The following HTR1F variants were observed in gnomAD, a reference collection of about 807,000 sequenced individuals.
The protein encoded by HTR1F is 5-hydroxytryptamine receptor 1F.
In HTR1F, 17 loss-of-function variants were observed where a neutral mutation model predicts 24.0. The ratio of observed to expected loss-of-function variants is 0.71; its 90% CI spans 0.48 to 1.06. HTR1F has a LOEUF of 1.06. Ranked by LOEUF, HTR1F falls within the 50% of genes least tolerant of loss-of-function variation. The pLI is 0.00. For missense variants in HTR1F, 391 were observed against 427.8 expected (o/e 0.91, Z 0.76); for synonymous variants, 186 against 156.8 (o/e 1.19, Z -1.39).
At chr3:87,975,664 TTTTA>T (rs35752658) in intron 2 of HTR1F, among the ~76,000 whole-genome samples, 73,682 of 151,674 alleles carry the variant, frequency 0.49, 20,983 homozygotes, top group South Asian at 0.71. Context: ...ATCATGGACT[TTTTA>T]AACTTTAGAT....
At chr3:87,795,802 C>A (rs1703894996) in intron 1 of HTR1F, among the ~76,000 whole-genome samples, 1 of 152,042 alleles carries the variant, frequency 6.6e-6, no homozygotes, top group South Asian at 2.1e-4. Context: ...ATGATCCTTC[C>A]ATTTGAAAAT....
intron 2 of HTR1F, among the ~76,000 whole-genome samples, chr3:87,951,853 A>G (rs1380767110): frequency 1.3e-5 from 2 of 152,044 alleles, no homozygotes; most frequent in African/African-American, 4.8e-5. Context: ...TTTCCTGGCA[A>G]TCAGTGATCT....
intron 2 of HTR1F, among the ~76,000 whole-genome samples, chr3:87,884,882 C>T (rs923110116): frequency 6.6e-6 from 1 of 152,038 alleles, no homozygotes; most frequent in Non-Finnish European, 1.5e-5. Context: ...ACTTATACTC[C>T]CACACAATAA....
At chr3:87,918,663 C>A (rs1212513854) in intron 2 of HTR1F, among the ~76,000 whole-genome samples, 3 of 151,904 alleles carry the variant, frequency 2.0e-5, no homozygotes, top group Non-Finnish European at 4.4e-5. Context: ...ATGTACCTAA[C>A]CAAGGAGTCT....
At chr3:87,907,272 T>C (rs1433494077) in intron 2 of HTR1F, among the ~76,000 whole-genome samples, 3 of 152,016 alleles carry the variant, frequency 2.0e-5, no homozygotes, top group Non-Finnish European at 4.4e-5. Context: ...TGTATTTCCC[T>C]GATAATTAGT....
intron 2 of HTR1F, among the ~76,000 whole-genome samples, chr3:87,930,500 T>C (rs1377025364): frequency 6.6e-6 from 1 of 152,206 alleles, no homozygotes; most frequent in Non-Finnish European, 1.5e-5. Flanking sequence ...TGAAACGATG[T>C]TGAATTTTAT....
intron 2 of HTR1F, among the ~76,000 whole-genome samples, chr3:87,978,397 G>A (rs575885788): frequency 6.6e-6 from 1 of 152,294 alleles, no homozygotes; most frequent in African/African-American, 2.4e-5. Context: ...GGAAGTTCAG[G>A]AAGAATGATA....
At chr3:87,987,762 ATATG>A (rs1362041203) in intron 2 of HTR1F, among the ~76,000 whole-genome samples, 1 of 132,916 alleles carries the variant, frequency 7.5e-6, no homozygotes, top group Non-Finnish European at 1.6e-5. Flanking sequence ...TGTATTATAT[ATATG>A]TATTTTATAT....
At chr3:87,811,147 T>C (rs182683572) in intron 1 of HTR1F, among the ~76,000 whole-genome samples, 1 of 152,290 alleles carries the variant, frequency 6.6e-6, no homozygotes, top group African/African-American at 2.4e-5. Context: ...CACTTAAAAT[T>C]ATATATGAAC....
At chr3:87,960,574 C>A (rs1218340472) in intron 2 of HTR1F, among the ~76,000 whole-genome samples, 3 of 151,902 alleles carry the variant, frequency 2.0e-5, no homozygotes, top group Non-Finnish European at 4.4e-5. Flanking sequence ...AATAACTAGA[C>A]CATTCTGAGT....
chr3:87,949,821 G>A (rs1011562018), intron 2 of HTR1F, among the ~76,000 whole-genome samples: 13 of 152,184 alleles, frequency 8.5e-5, no homozygotes, highest in Non-Finnish European at 1.8e-4. Context: ...ACATAAGACA[G>A]TGTCACCTCA....
intron 2 of HTR1F, among the ~76,000 whole-genome samples, chr3:87,869,390 CAGATAGATAGATAGAT>C (rs4038035): frequency 8.1e-4 from 101 of 124,558 alleles, no homozygotes; most frequent in African/African-American, 2.1e-3. Context: ...GATAGACAAA[CAGATAGATAGATAGAT>C]AGATAGATAG....
At chr3:87,811,354 G>A (rs1360852733) in intron 1 of HTR1F, among the ~76,000 whole-genome samples, 1 of 151,730 alleles carries the variant, frequency 6.6e-6, no homozygotes, top group African/African-American at 2.4e-5. Flanking sequence ...ACTGCACATT[G>A]AAATTGCCAT....
chr3:87,974,567 T>TA (rs397733874), intron 2 of HTR1F, among the ~76,000 whole-genome samples: 89 of 151,952 alleles, frequency 5.9e-4, no homozygotes, highest in Non-Finnish European at 7.1e-4. Flanking sequence ...AATCTTTTTT[T>TA]AAAAAATGAC....
At chr3:87,919,866 G>C (rs1295558014) in intron 2 of HTR1F, among the ~76,000 whole-genome samples, 4 of 151,820 alleles carry the variant, frequency 2.6e-5, no homozygotes, top group South Asian at 2.1e-4. Context: ...TCCCACTACT[G>C]GGTATCTACC....
intron 2 of HTR1F, among the ~76,000 whole-genome samples, chr3:87,894,513 C>T: frequency 6.6e-6 from 1 of 150,612 alleles, no homozygotes; most frequent in African/African-American, 2.4e-5. Flanking sequence ...CCAACTTGGC[C>T]TCCCAGAGTG....
At chr3:87,811,557 T>C (rs538851066) in intron 1 of HTR1F, among the ~76,000 whole-genome samples, 2 of 152,322 alleles carry the variant, frequency 1.3e-5, no homozygotes, top group Admixed American at 6.5e-5. Flanking sequence ...TATGGAAAGA[T>C]GTTTTTAAAG....
chr3:87,982,562 C>A (rs1705568412), intron 2 of HTR1F, among the ~76,000 whole-genome samples: 1 of 152,170 alleles, frequency 6.6e-6, no homozygotes, highest in Non-Finnish European at 1.5e-5. Context: ...AGCTATAATC[C>A]AGACTACTTT....
At chr3:87,943,491 C>T (rs1441671472) in intron 2 of HTR1F, among the ~76,000 whole-genome samples, 1 of 146,204 alleles carries the variant, frequency 6.8e-6, no homozygotes, top group Non-Finnish European at 1.5e-5. Flanking sequence ...GGGGCATAAT[C>T]GGGGAATATT....
Sources: allele counts gnomAD v4.1 joint callset (sites outside exome capture counted in the v4.1 genomes callset), GRCh38; gene constraint gnomAD v4.1.1; transcripts MANE v1.5; gene names NCBI Gene and HGNC (gene_info 2026-07-23, HGNC 2026-07-21).